Variants in DENND4A observed in about 807,000 individuals in gnomAD.
The protein encoded by DENND4A is DENN domain containing 4A, also known as C-myc promoter-binding protein.
In DENND4A, 70 loss-of-function variants were observed where a neutral mutation model predicts 199.3. The observed-to-expected ratio is 0.35, with a 90% CI of 0.29 to 0.43. DENND4A has a LOEUF of 0.43. Among genes scored for constraint, DENND4A ranks in the 20% least tolerant of loss-of-function variants. The pLI, the probability that DENND4A is intolerant of heterozygous loss-of-function variation, is 1.00. For synonymous variants in DENND4A, 686 were observed against 766.9 expected (o/e 0.89, Z 1.74); for missense variants, 1,723 against 2,255.8 (o/e 0.76, Z 4.78).
chr15:65,666,049 G>A lies in DENND4A; in HGVS notation c.5242-587C>T, dbSNP rs551946724. The stretch of plus-strand genomic sequence containing the variant: ...CAAAAATCCAGGGTAAAGGAATGAC[G>A]AGAGTGGTAGCACATGATTGCAATA... On this transcript the variant is annotated intron_variant, in intron 29 of 32. Transcript: ENST00000443035. Among the ~76,000 whole-genome samples, 10 of 152,294 alleles carry A rather than the reference G, an allele frequency of 6.6e-5. No homozygotes were observed. The South Asian group carries it at 1.9e-3, about 28-fold the overall frequency.
intron 4 of DENND4A, among the ~76,000 whole-genome samples, chr15:65,744,892 GTTAC>G (rs2076349681): frequency 6.6e-6 from 1 of 152,144 alleles, no homozygotes; most frequent in African/African-American, 2.4e-5. Flanking sequence ...GTGACAAGTA[GTTAC>G]TTAAAGGTAA....
chr15:65,767,129 A>G (rs551552095), intron 1 of DENND4A, among the ~76,000 whole-genome samples: 17 of 152,306 alleles, frequency 1.1e-4, no homozygotes, highest in African/African-American at 3.8e-4. Context: ...GTGTGTAAAT[A>G]TTTACTCAAT....
Position 65,697,376 on chromosome 15 carries a change from C to A in DENND4A, c.2841G>T (p.Gln947His). ...ATDDRSSTGG[Q>H]SDLGYNSLSK... The stretch of plus-strand genomic sequence containing the variant: ...ATAATGAATTATATCCAAGATCAGA[C>A]TGGCCACCTGGTAAAAACAAAAATA... The change falls in exon 21 of 33, where the codon CAG becomes CAT. Residue 947 changes from glutamine to histidine, a missense_variant. Coordinates refer to ENST00000443035, the MANE Select transcript of DENND4A (RefSeq NM_001320835.1). 1 of 1,591,506 alleles carries A rather than the reference C, an allele frequency of 6.3e-7. No homozygotes were observed. The highest frequency in any genetic ancestry group is 1.1e-5 in the South Asian group (1 of 87,750).
chr15:65,697,029 C>T (rs140183209), intron 21 of DENND4A: 157 of 387,340 alleles, frequency 4.1e-4, no homozygotes, highest in African/African-American at 2.3e-3. Context: ...TTTGGAATTA[C>T]GTAGCATTCA....
chr15:65,766,579 A>G (rs981562322), intron 1 of DENND4A: 1 of 152,236 alleles, frequency 6.6e-6, no homozygotes, highest in African/African-American at 2.4e-5. Context: ...TGTATCCACA[A>G]GTTCTCAACA....
chr15:65,771,612 T>A (rs1366619482), intron 1 of DENND4A: 7 of 1,612,458 alleles, frequency 4.3e-6, no homozygotes, highest in Middle Eastern at 1.6e-4. Flanking sequence ...TCATGTCCAC[T>A]ATGTCAATGC....
chr15:65,756,630 C>T (rs1353872753), intron 2 of DENND4A, among the ~76,000 whole-genome samples, 158 bp from the exon 3 acceptor site: 1 of 152,178 alleles, frequency 6.6e-6, no homozygotes, highest in African/African-American at 2.4e-5. Context: ...AAGAATTTAA[C>T]AATAAAAACA....
chr15:65,737,930 T>C lies in DENND4A; in HGVS notation c.817A>G (p.Ile273Val), dbSNP rs1403317971. 1.4e-5 allele frequency: 22 copies of C among 1,589,304 alleles called. No individual in the cohort carries two copies. The highest frequency in any genetic ancestry group is 1.9e-5 in the Non-Finnish European group (22 of 1,166,494). Residue 273 changes from isoleucine to valine, a missense_variant, in exon 7 of 33, where the codon ATT (isoleucine) becomes GTT (valine). Coordinates refer to ENST00000443035, the MANE Select transcript of DENND4A (RefSeq NM_001320835.1). ...ASAEKVYGAAIQFYEPYSEEN... is the reference protein window; with the variant it reads ...ASAEKVYGAAVQFYEPYSEEN... ...TCAGAGTATGGTTCATAAAACTGAA[T>C]AGCAGCACCATAAACCTGCAAAACA...
intron 1 of DENND4A, among the ~76,000 whole-genome samples, chr15:65,791,461 A>G (rs1484663114): frequency 8.1e-6 from 1 of 122,980 alleles, no homozygotes; most frequent in African/African-American, 3.1e-5. Context: ...CCCACCACAC[A>G]CCCCCCCAAA....
chr15:65,792,227 C>T lies in DENND4A; in HGVS notation c.-319G>A, dbSNP rs2077757816. On this transcript the variant is annotated 5_prime_UTR_variant, in exon 1 of 33. Transcript: ENST00000443035. ...GGACTCCCCCTCCCCTCGCGGCCGCCACTGCCTCCGCCTCTTTCTCCGACT... is the reference window on the plus strand; with the variant it reads ...GGACTCCCCCTCCCCTCGCGGCCGCTACTGCCTCCGCCTCTTTCTCCGACT... 6.6e-6 allele frequency: 1 copy of T among 152,324 alleles called. No individual in the cohort carries two copies. The highest frequency in any genetic ancestry group is 1.5e-5 in the Non-Finnish European group (1 of 68,068). 9.4% of individuals were successfully genotyped at this position (152,324 alleles called of 1,614,324 possible).
At position 65,660,628 on chromosome 15, in the gene DENND4A, T is replaced by G. The variant is rs903042037; in HGVS notation, c.*1223A>C. 1 of 234,662 alleles carries G rather than the reference T, an allele frequency of 4.3e-6. No homozygotes were observed. Among genetic ancestry groups the G allele is most frequent in the African/African-American group, 2.3e-5 (1 of 44,284 alleles). The allele number at this position is 234,662 out of a possible 1,614,324, so 14.5% of individuals were successfully genotyped here. A position where few individuals can be genotyped will look rare whatever the true frequency, so the allele number is the denominator to read the frequency against. The stretch of plus-strand genomic sequence containing the variant: ...GACTAAAAATATATTTTTAAAGCTA[T>G]TTAATACTCATGATGTCTAAACTTT... On this transcript the variant is annotated 3_prime_UTR_variant, in exon 33 of 33. Transcript: ENST00000443035.
intron 1 of DENND4A, chr15:65,771,191 C>T (rs2077114926): frequency 6.2e-7 from 1 of 1,603,422 alleles, no homozygotes; most frequent in African/African-American, 1.3e-5. Flanking sequence ...TTTATAAAGA[C>T]CGGTAAGCCG....
intron 1 of DENND4A, among the ~76,000 whole-genome samples, chr15:65,774,437 C>T (rs1402802072): frequency 1.3e-5 from 2 of 152,160 alleles, no homozygotes; most frequent in Non-Finnish European, 2.9e-5. Context: ...TTGCGGTGAG[C>T]CCAGATTGAG....
intron 24 of DENND4A, among the ~76,000 whole-genome samples, chr15:65,674,291 G>A (rs963981274): frequency 1.3e-5 from 2 of 152,044 alleles, no homozygotes; most frequent in Non-Finnish European, 2.9e-5. Context: ...TACTATTTGA[G>A]CCCATAAAGT....
chr15:65,670,063 G>A lies in DENND4A; in HGVS notation c.4590C>T (p.Ile1530=), dbSNP rs1289121297. 3 of 1,602,604 alleles carry A rather than the reference G, an allele frequency of 1.9e-6. No individual in the cohort carries two copies. Among genetic ancestry groups the A allele is most frequent in the Non-Finnish European group, 2.6e-6 (3 of 1,174,008 alleles). Residue 1530 remains isoleucine, a synonymous_variant, in exon 26 of 33, where the codon ATC becomes ATT. Coordinates refer to ENST00000443035, the MANE Select transcript of DENND4A (RefSeq NM_001320835.1). ...TTTCTATATTCAGAAAGGGTAAGAA[G>A]ATATTGCCACAGAATGGGCATGTAG... is the stretch of plus-strand genomic sequence containing the variant. ...LNTTCPFCGN[I]FLPFLNIEIR... is the part of the protein sequence containing the mutation.
intron 16 of DENND4A, 63 bp downstream of exon 16, chr15:65,702,810 G>A (rs2074921704): frequency 1.4e-6 from 2 of 1,425,886 alleles, no homozygotes; most frequent in African/African-American, 2.8e-5. Flanking sequence ...TATTACGGGA[G>A]GATAAATATC....
intron 20 of DENND4A, among the ~76,000 whole-genome samples, chr15:65,698,726 C>CTTTTTT (rs71139423): frequency 2.7e-5 from 2 of 72,762 alleles, no homozygotes; most frequent in Non-Finnish European, 5.0e-5. Context: ...TTAAGATAGC[C>CTTTTTT]TTTTTTTTTT....
chr15:65,707,257 G>T (rs918989428), intron 14 of DENND4A, among the ~76,000 whole-genome samples: 2 of 151,748 alleles, frequency 1.3e-5, no homozygotes, highest in Admixed American at 6.6e-5. Context: ...AAACTAAAAA[G>T]AATAATATTG....
chr15:65,664,306 A>C, intron 32 of DENND4A, 24 bp downstream of exon 32: 1 of 1,300,694 alleles, frequency 7.7e-7, no homozygotes, highest in Non-Finnish European at 1.1e-6. Context: ...TAAATATTAC[A>C]TATTAGATAT....
Sources: allele counts gnomAD v4.1 joint callset (sites outside exome capture counted in the v4.1 genomes callset), GRCh38; gene constraint gnomAD v4.1.1; transcripts MANE v1.5; gene names NCBI Gene and HGNC (gene_info 2026-07-23, HGNC 2026-07-21).